DPP10: variants seen among roughly 807,000 people sequenced by gnomAD.
DPP10 encodes dipeptidyl peptidase like 10.
DPP10 carries 33 observed loss-of-function variants against 120.9 expected under a neutral mutation model. The ratio of observed to expected loss-of-function variants is 0.27; its 90% CI spans 0.21 to 0.37. The LOEUF (loss-of-function observed/expected upper bound fraction) is 0.37. Ranked by LOEUF, DPP10 falls within the 10% of genes least tolerant of loss-of-function variation. DPP10 has a pLI of 1.00. For missense variants in DPP10, 816 were observed against 942.8 expected, an observed-to-expected ratio of 0.87 and a Z score of 1.76; for synonymous variants, 337 against 326.1, an observed-to-expected ratio of 1.03 and a Z score of -0.36.
At chr2:115,161,720 G>A (rs899638561) in intron 1 of DPP10, 30 of 394,054 alleles carry the variant, frequency 7.6e-5, no homozygotes, top group Non-Finnish European at 2.2e-5. Flanking sequence ...TTTGGGTGGC[G>A]GGGGGCGGGG....
intron 1 of DPP10, among the ~76,000 whole-genome samples, chr2:115,183,706 A>C (rs2054235684): frequency 6.6e-6 from 1 of 152,226 alleles, no homozygotes. Context: ...ATAAAGTCAG[A>C]GTGATCTCAG....
chr2:115,592,426 A>G (rs542569080), intron 5 of DPP10, among the ~76,000 whole-genome samples: 122 of 152,142 alleles, frequency 8.0e-4, no homozygotes, highest in African/African-American at 2.9e-3. Context: ...GTTCTAGGAA[A>G]GGCATACAAA....
At chr2:115,037,126 G>A (rs1704277472) in intron 1 of DPP10, among the ~76,000 whole-genome samples, 1 of 152,018 alleles carries the variant, frequency 6.6e-6, no homozygotes, top group South Asian at 2.1e-4. Flanking sequence ...GCATATGGAG[G>A]GGTATAATGA....
chr2:115,434,386 C>G (rs1008197496), intron 3 of DPP10, among the ~76,000 whole-genome samples: 19 of 151,870 alleles, frequency 1.3e-4, no homozygotes, highest in African/African-American at 4.6e-4. Context: ...GAATTGGGTC[C>G]TGGCAATACT....
At chr2:115,246,927 C>G (rs781444926) in intron 1 of DPP10, among the ~76,000 whole-genome samples, 3 of 152,086 alleles carry the variant, frequency 2.0e-5, no homozygotes, top group Admixed American at 1.3e-4. Context: ...GTGTATTTGC[C>G]TAGACATGCA....
intron 3 of DPP10, among the ~76,000 whole-genome samples, chr2:115,407,464 GC>G (rs904424787): frequency 6.6e-6 from 1 of 152,162 alleles, no homozygotes; most frequent in Admixed American, 6.5e-5. Context: ...TCCCTCAGAG[GC>G]CAATCTAAGC....
chr2:115,484,941 C>A (rs910073446), intron 3 of DPP10, among the ~76,000 whole-genome samples: 1 of 152,124 alleles, frequency 6.6e-6, no homozygotes, highest in East Asian at 1.9e-4. Context: ...TATCGTGTCA[C>A]GTGCCTGTAG....
At chr2:115,582,992 G>T (rs1277286974) in intron 5 of DPP10, among the ~76,000 whole-genome samples, 2 of 152,112 alleles carry the variant, frequency 1.3e-5, no homozygotes, top group African/African-American at 4.8e-5. Flanking sequence ...TTGCAACTTT[G>T]TGAGATGATT....
intron 1 of DPP10, among the ~76,000 whole-genome samples, chr2:114,982,750 GCCA>G (rs1022189733): frequency 1.3e-5 from 2 of 151,372 alleles, no homozygotes; most frequent in Non-Finnish European, 2.9e-5. Context: ...ATAGTCGCAT[GCCA>G]CCATGCCTGG....
chr2:114,480,869 A>T (rs907954938), intron 1 of DPP10, among the ~76,000 whole-genome samples: 1 of 151,234 alleles, frequency 6.6e-6, no homozygotes, highest in Non-Finnish European at 1.5e-5. Flanking sequence ...ATAATAATAA[A>T]AAGTACACCC....
chr2:114,936,694 C>A (rs1696510276), intron 1 of DPP10, among the ~76,000 whole-genome samples: 1 of 152,006 alleles, frequency 6.6e-6, no homozygotes, highest in Admixed American at 6.6e-5. Context: ...TTGTACTATT[C>A]ACTATACACT....
chr2:114,763,761 T>C (rs1219977725), intron 1 of DPP10, among the ~76,000 whole-genome samples: 1 of 152,182 alleles, frequency 6.6e-6, no homozygotes, highest in Non-Finnish European at 1.5e-5. Context: ...AACAGATCCA[T>C]GAGAATTTGG....
intron 3 of DPP10, among the ~76,000 whole-genome samples, chr2:115,497,761 C>T (rs1357967804): frequency 6.6e-6 from 1 of 151,814 alleles, no homozygotes; most frequent in African/African-American, 2.4e-5. Flanking sequence ...GACAGGAGAT[C>T]AAATCAGCTG....
intron 15 of DPP10, among the ~76,000 whole-genome samples, chr2:115,778,723 G>A (rs1355792593): frequency 5.3e-5 from 8 of 151,934 alleles, no homozygotes; most frequent in Admixed American, 2.0e-4. Context: ...AAAGTACCCC[G>A]ACTTCCTCTG....
chr2:115,650,686 G>A (rs1487035957), intron 5 of DPP10, among the ~76,000 whole-genome samples: 1 of 151,938 alleles, frequency 6.6e-6, no homozygotes, highest in Admixed American at 6.6e-5. Flanking sequence ...CCCAGACTCA[G>A]CTAGCCTCCA....
chr2:114,805,522 A>G (rs113674333), intron 1 of DPP10, among the ~76,000 whole-genome samples: 1 of 152,212 alleles, frequency 6.6e-6, no homozygotes, highest in African/African-American at 2.4e-5. Flanking sequence ...AGAAAACCTA[A>G]TATAAACAAA....
intron 5 of DPP10, among the ~76,000 whole-genome samples, chr2:115,561,251 CG>C (rs919168671): frequency 4.0e-4 from 58 of 144,958 alleles, no homozygotes; most frequent in African/African-American, 1.4e-3. Flanking sequence ...CCCAGCTACT[CG>C]GGAGGCTGAG....
chr2:115,622,842 T>G lies in DPP10; in HGVS notation c.442-66845T>G, dbSNP rs367983806. Among the ~76,000 whole-genome samples, 242 of 148,112 alleles carry G rather than the reference T, an allele frequency of 1.6e-3. 1 individual carries two copies. The highest frequency in any genetic ancestry group is 4.3e-3 in the African/African-American group (174 of 40,060). On this transcript the variant is annotated intron_variant, in intron 5 of 25. Transcript: ENST00000410059. ...CATTCGTTTATTCTTTTTTTTTTTT[T>G]TTTTGTTTTTTGTTTTTTGAGATGG...
chr2:115,762,257 A>G (rs1559123147), intron 11 of DPP10, among the ~76,000 whole-genome samples: 1 of 152,218 alleles, frequency 6.6e-6, no homozygotes, highest in Admixed American at 6.5e-5. Context: ...GAAAAGAGAC[A>G]GTGTCTGGTG....
Sources: allele counts gnomAD v4.1 joint callset (sites outside exome capture counted in the v4.1 genomes callset), GRCh38; gene constraint gnomAD v4.1.1; transcripts MANE v1.5; gene names NCBI Gene and HGNC (gene_info 2026-07-23, HGNC 2026-07-21).